Variants in WARS2 observed in about 807,000 individuals in gnomAD.
WARS2 encodes the protein tryptophanyl tRNA synthetase 2, mitochondrial.
A neutral mutation model predicts 36.5 loss-of-function variants in WARS2; 28 were observed. That is an observed-to-expected ratio of 0.77 (90% CI 0.57 to 1.05). WARS2 has a LOEUF of 1.05. Ranked by LOEUF, WARS2 falls within the 50% of genes least tolerant of loss-of-function variation. WARS2 has a pLI of 0.00. For missense variants in WARS2, 435 were observed against 456.8 expected (o/e 0.95, Z 0.44); for synonymous variants, 174 against 178.4 (o/e 0.98, Z 0.20).
intron 1 of WARS2, among the ~76,000 whole-genome samples, chr1:119,123,095 T>C (rs1571392247): frequency 6.6e-6 from 1 of 152,182 alleles, no homozygotes; most frequent in Non-Finnish European, 1.5e-5. Flanking sequence ...GACCACACCC[T>C]TCCTCATCAA....
At chr1:119,044,126 G>A (rs945452490) in intron 3 of WARS2, among the ~76,000 whole-genome samples, 1 of 152,138 alleles carries the variant, frequency 6.6e-6, no homozygotes, top group Non-Finnish European at 1.5e-5. Context: ...AAGACTCACA[G>A]AAGATATCAC....
rs1397371052 is a variant in WARS2, at chr1:119,042,245, G to A, written c.515+19C>T. ...GTCACCATGAGTATGTATAAGACTG[G>A]GCTGAACTCTCTTCTTACTTGTACA... On this transcript the variant is annotated intron_variant, in intron 4 of 5. Transcript: ENST00000235521. The A allele has an allele frequency of 2.5e-6, 4 of 1,611,536 alleles. No homozygotes were observed. Among genetic ancestry groups the A allele is most frequent in the Non-Finnish European group, 3.4e-6 (4 of 1,177,954 alleles).
chr1:119,090,965 G>A (rs964505013), intron 1 of WARS2, among the ~76,000 whole-genome samples: 1 of 152,092 alleles, frequency 6.6e-6, no homozygotes, highest in Admixed American at 6.5e-5. Flanking sequence ...AACTAAAAGA[G>A]TCTCATACTA....
At chr1:119,134,319 CA>C (rs761321480) in intron 1 of WARS2, among the ~76,000 whole-genome samples, 695 of 65,862 alleles carry the variant, frequency 0.011, 2 homozygotes, top group African/African-American at 0.037. Flanking sequence ...GGCAAAGGGG[CA>C]AAAAAAAAAA....
intron 1 of WARS2, among the ~76,000 whole-genome samples, chr1:119,129,265 G>A (rs1655916721): frequency 6.6e-6 from 1 of 152,182 alleles, no homozygotes; most frequent in Non-Finnish European, 1.5e-5. Context: ...CACCAGACGT[G>A]GATGTGTCAG....
intron 2 of WARS2, among the ~76,000 whole-genome samples, chr1:119,053,659 C>T (rs556233646): frequency 2.0e-5 from 3 of 152,220 alleles, no homozygotes; most frequent in East Asian, 3.9e-4. Context: ...CATCAAGGGA[C>T]CCAATCAGCA....
intron 1 of WARS2, among the ~76,000 whole-genome samples, chr1:119,135,871 G>C (rs587742150): frequency 3.7e-4 from 57 of 152,032 alleles, no homozygotes; most frequent in African/African-American, 1.3e-3. Context: ...CCTGGGCTCA[G>C]GTGATTCTCC....
chr1:119,104,221 G>C (rs1033376281), intron 1 of WARS2, among the ~76,000 whole-genome samples: 3 of 151,468 alleles, frequency 2.0e-5, no homozygotes, highest in African/African-American at 7.2e-5. Context: ...AATATATAGA[G>C]ATGTAACAAA....
At chr1:119,088,816 G>A (rs771819360) in intron 1 of WARS2, among the ~76,000 whole-genome samples, 5 of 152,180 alleles carry the variant, frequency 3.3e-5, no homozygotes, top group Non-Finnish European at 5.9e-5. Context: ...CCACTGAGGA[G>A]TGTTCAACAT....
intron 2 of WARS2, among the ~76,000 whole-genome samples, chr1:119,059,912 A>G (rs1650238175): frequency 6.6e-6 from 1 of 152,186 alleles, no homozygotes; most frequent in Non-Finnish European, 1.5e-5. Flanking sequence ...ATTGAGGAGA[A>G]GCACACACAG....
intron 4 of WARS2, among the ~76,000 whole-genome samples, chr1:119,040,751 C>A (rs776082824): frequency 2.6e-5 from 4 of 152,198 alleles, no homozygotes; most frequent in Non-Finnish European, 4.4e-5. Context: ...CATTTTAATC[C>A]TTTAATAATC....
intron 1 of WARS2, among the ~76,000 whole-genome samples, chr1:119,099,721 A>G (rs938601627): frequency 6.6e-6 from 1 of 152,248 alleles, no homozygotes; most frequent in African/African-American, 2.4e-5. Context: ...CCTCTTCAAT[A>G]AATAATGCTG....
At chr1:119,066,266 AG>A (rs1460282568) in intron 2 of WARS2, among the ~76,000 whole-genome samples, 6 of 152,104 alleles carry the variant, frequency 3.9e-5, no homozygotes, top group African/African-American at 1.4e-4. Context: ...TCACAAGGTC[AG>A]GAGATCGAGA....
Position 119,101,011 on chromosome 1 carries a change from C to T in WARS2, c.91-24404G>A, listed in dbSNP as rs185416860. On this transcript the variant is annotated intron_variant, in intron 1 of 5. Transcript: ENST00000235521. ...ATATGTAGGAGCTAAAATATTTGATCATATGGAAGTAAAGAGTGGAAAGAT... is the reference window on the plus strand; with the variant it reads ...ATATGTAGGAGCTAAAATATTTGATTATATGGAAGTAAAGAGTGGAAAGAT... 2.2e-4 allele frequency among the ~76,000 whole-genome samples: 34 copies of T among 152,094 alleles called. No homozygotes were observed. The East Asian group carries it at 4.8e-3, about 22-fold the overall frequency.
chr1:119,045,407 T>C (rs1260892470), intron 3 of WARS2, among the ~76,000 whole-genome samples, 175 bp downstream of exon 3: 9 of 152,236 alleles, frequency 5.9e-5, no homozygotes. Context: ...AGGAGGAATC[T>C]TGGAAAATCC....
chr1:119,079,435 C>T lies in WARS2; in HGVS notation c.91-2828G>A, dbSNP rs187357548. Among the ~76,000 whole-genome samples the T allele has an allele frequency of 2.6e-4, 40 of 152,040 alleles. No homozygotes were observed. The Middle Eastern group carries it at 0.01, about 39-fold the overall frequency. Reference sequence around the variant, plus strand: ...AAAAAACCCTGTTCATTTTTTGCTGCTTCTTTTTAGATCAGATTAGAAGCT... The same window carrying T: ...AAAAAACCCTGTTCATTTTTTGCTGTTTCTTTTTAGATCAGATTAGAAGCT... On this transcript the variant is annotated intron_variant, in intron 1 of 5. Coordinates refer to ENST00000235521, the MANE Select transcript of WARS2 (RefSeq NM_015836.4).
intron 2 of WARS2, 141 bp downstream of exon 2, chr1:119,076,209 G>T: frequency 9.9e-7 from 1 of 1,013,290 alleles, no homozygotes; most frequent in Non-Finnish European, 1.4e-6. Context: ...AAAACATTAA[G>T]CTGAAAAAAA....
At chr1:119,044,902 AT>A (rs1648664238) in intron 3 of WARS2, among the ~76,000 whole-genome samples, 1 of 152,134 alleles carries the variant, frequency 6.6e-6, no homozygotes, top group African/African-American at 2.4e-5. Context: ...AGCTTTATCT[AT>A]TTCTTTCTGT....
In WARS2 at chr1:119,031,798, C is replaced by A. The variant is rs949777185; in HGVS notation, c.*1113G>T. 5 of 152,316 alleles carry A rather than the reference C, an allele frequency of 3.3e-5. No homozygotes were observed. Among genetic ancestry groups the A allele is most frequent in the African/African-American group, 9.7e-5 (4 of 41,432 alleles). 9.4% of individuals were successfully genotyped at this position (152,316 alleles called of 1,614,324 possible). A position where few individuals can be genotyped will look rare whatever the true frequency, so the allele number is the denominator to read the frequency against. On this transcript the variant is annotated 3_prime_UTR_variant, in exon 6 of 6. Transcript: ENST00000235521. ...AGTCTTCACTGCTATTGTAGACTGG[C>A]AGAACCTATTTCAAAGTATTTCTGC... is the stretch of plus-strand genomic sequence containing the variant.
Sources: allele counts gnomAD v4.1 joint callset (sites outside exome capture counted in the v4.1 genomes callset), GRCh38; gene constraint gnomAD v4.1.1; transcripts MANE v1.5; gene names NCBI Gene and HGNC (gene_info 2026-07-23, HGNC 2026-07-21).